TRAP1: variants seen among roughly 807,000 people sequenced by gnomAD.
The protein encoded by TRAP1 is TNF receptor associated protein 1.
Under a neutral mutation model 89.1 loss-of-function variants are expected in TRAP1, and 102 were observed. The observed-to-expected ratio is 1.15, with a 90% CI of 0.98 to 1.35. The LOEUF is 1.35. Among genes scored for constraint, TRAP1 ranks in the 40% most tolerant of loss-of-function variants. The pLI is 0.00. For missense variants in TRAP1, 1,256 were observed against 945.3 expected (o/e 1.33, Z -4.31); for synonymous variants, 508 against 388.0 (o/e 1.31, Z -3.64).
chr16:3,666,867 A>G (rs775524384), intron 11 of TRAP1, among the ~76,000 whole-genome samples: 3 of 152,236 alleles, frequency 2.0e-5, no homozygotes, highest in Non-Finnish European at 4.4e-5. Context: ...ATTAGGAACA[A>G]CTTTATCACT....
At chr16:3,675,578 A>G (rs970244781) in intron 7 of TRAP1, among the ~76,000 whole-genome samples, 181 bp from the exon 8 acceptor site, 3 of 152,138 alleles carry the variant, frequency 2.0e-5, no homozygotes, top group Non-Finnish European at 4.4e-5. Flanking sequence ...TCACGGGGGC[A>G]GCAGCGGAGC....
intron 7 of TRAP1, 72 bp from the exon 8 acceptor site, chr16:3,675,469 A>G: frequency 1.4e-6 from 2 of 1,470,920 alleles, no homozygotes; most frequent in Admixed American, 1.7e-5. Context: ...CAGCAGCTCC[A>G]GGATGAGCGC....
In TRAP1 at chr16:3,679,601, C is replaced by T. The variant is rs570304119; in HGVS notation, c.543+118G>A. The T allele has an allele frequency of 5.0e-6, 5 of 1,000,590 alleles. No homozygotes were observed. In the Admixed American group the frequency reaches 5.3e-5, roughly 11 times the overall value. 62.0% of individuals were successfully genotyped at this position (1,000,590 alleles called of 1,614,324 possible). On this transcript the variant is annotated intron_variant, in intron 5 of 17. Coordinates refer to ENST00000246957, the MANE Select transcript of TRAP1 (RefSeq NM_016292.3). ...TCATGAGGTGTTCCCACAGTACCCA[C>T]TGCGTGGCATGCAACTGACAACGTT...
At chr16:3,695,389 T>C (rs1217323646) in intron 1 of TRAP1, among the ~76,000 whole-genome samples, 1 of 151,880 alleles carries the variant, frequency 6.6e-6, no homozygotes, top group Non-Finnish European at 1.5e-5. Flanking sequence ...AACCATTACT[T>C]AGCCAGACGT....
intron 12 of TRAP1, chr16:3,665,517 G>C (rs536840671): frequency 1.1e-4 from 17 of 159,354 alleles, no homozygotes; most frequent in African/African-American, 1.9e-4. Context: ...TTAACTGAAC[G>C]ACTGGCCCCT....
intron 1 of TRAP1, among the ~76,000 whole-genome samples, chr16:3,699,705 T>C (rs946976227): frequency 7.9e-5 from 12 of 151,886 alleles, no homozygotes; most frequent in African/African-American, 2.9e-4. Flanking sequence ...GATTGCTCTG[T>C]CACCCAGGCT....
intron 11 of TRAP1, among the ~76,000 whole-genome samples, chr16:3,671,167 C>G (rs1276927283): frequency 3.9e-5 from 6 of 152,186 alleles, no homozygotes; most frequent in Non-Finnish European, 8.8e-5. Flanking sequence ...CAGGCTCCCT[C>G]TGAAACCTGC....
rs147541893 is a variant in TRAP1 at position 3,686,083 on chromosome 16, A to G, written c.384T>C (p.Arg128=). The change falls in exon 4 of 18, where the codon CGT becomes CGC. Residue 128 remains arginine (R), a synonymous_variant. Transcript: ENST00000246957. ...SNASDALEKL[R]HKLVSDGQAL... ...CTTGGCCGTCAGACACCAGTTTGTG[A>G]CGCAGTTTTTCCAAGGCATCGCTGG... 8.7e-6 allele frequency: 14 copies of G among 1,614,092 alleles called. No individual in the cohort carries two copies. Among genetic ancestry groups the G allele is most frequent in the Non-Finnish European group, 1.2e-5 (14 of 1,180,002 alleles).
chr16:3,695,968 A>G (rs1017620887), intron 1 of TRAP1, among the ~76,000 whole-genome samples: 1 of 152,202 alleles, frequency 6.6e-6, no homozygotes, highest in Admixed American at 6.5e-5. Flanking sequence ...TGCCATGTGT[A>G]CAGACTGGAT....
rs1008543911 is a variant in TRAP1 at position 3,706,609 on chromosome 16, G to T, written c.88+10812C>A. Among the ~76,000 whole-genome samples the T allele has an allele frequency of 4.6e-5, 7 of 151,680 alleles. No individual in the cohort carries two copies. In the South Asian group the frequency reaches 1.5e-3, roughly 32 times the overall value. On this transcript the variant is annotated intron_variant, in intron 1 of 17. Transcript: ENST00000246957. ...CAAATGGCTGGGACCACAGGCATGT[G>T]CCACCACACCCAGCAATTTTTAAAA...
At chr16:3,688,447 C>G (rs1285884627) in intron 3 of TRAP1, among the ~76,000 whole-genome samples, 1 of 152,154 alleles carries the variant, frequency 6.6e-6, no homozygotes, top group East Asian at 1.9e-4. Flanking sequence ...CAAAGCTCCA[C>G]AGAGACGGAA....
intron 1 of TRAP1, among the ~76,000 whole-genome samples, chr16:3,706,901 T>C (rs895965666): frequency 2.0e-5 from 3 of 152,124 alleles, no homozygotes; most frequent in Admixed American, 6.6e-5. Flanking sequence ...GGTAGAACTG[T>C]GGGGTCATAT....
chr16:3,679,546 AC>A (rs1360362859), intron 5 of TRAP1, among the ~76,000 whole-genome samples, 172 bp downstream of exon 5: 12 of 151,790 alleles, frequency 7.9e-5, no homozygotes, highest in Admixed American at 7.2e-4. Flanking sequence ...TGAGGGACCA[AC>A]CCCCAGATAC....
intron 10 of TRAP1, among the ~76,000 whole-genome samples, chr16:3,672,080 G>A (rs1161746651): frequency 1.3e-5 from 2 of 152,256 alleles, no homozygotes; most frequent in African/African-American, 4.8e-5. Flanking sequence ...TCTGACGCCT[G>A]TAATCCCAGC....
At chr16:3,705,716 C>T (rs1385965665) in intron 1 of TRAP1, among the ~76,000 whole-genome samples, 2 of 152,068 alleles carry the variant, frequency 1.3e-5, no homozygotes, top group Non-Finnish European at 2.9e-5. Context: ...GTTTCACTCT[C>T]GTTGCCAGGC....
intron 1 of TRAP1, among the ~76,000 whole-genome samples, chr16:3,714,416 T>G (rs1022283260): frequency 2.0e-5 from 3 of 152,126 alleles, no homozygotes; most frequent in African/African-American, 7.2e-5. Context: ...ATCCCAGCAT[T>G]TTGGGAGGCC....
chr16:3,695,122 G>T (rs563615370), intron 1 of TRAP1, among the ~76,000 whole-genome samples: 2 of 152,294 alleles, frequency 1.3e-5, no homozygotes, highest in Non-Finnish European at 2.9e-5. Flanking sequence ...GCCCACCCAA[G>T]TGAACTCATC....
intron 1 of TRAP1, among the ~76,000 whole-genome samples, chr16:3,712,198 A>T (rs1468932231): frequency 1.4e-5 from 2 of 141,498 alleles, no homozygotes; most frequent in African/African-American, 5.2e-5. Context: ...CTGAGGCAGG[A>T]GAACTGCCTG....
chr16:3,698,860 T>C (rs886765080), intron 1 of TRAP1, among the ~76,000 whole-genome samples: 6 of 151,030 alleles, frequency 4.0e-5, no homozygotes, highest in African/African-American at 1.5e-4. Context: ...CATTTCAGGG[T>C]GGGAGATGCA....
Sources: gnomAD v4.1 joint callset for allele counts (sites outside exome capture counted in the v4.1 genomes callset) on GRCh38, gnomAD v4.1.1 for gene constraint, MANE v1.5 for transcripts, NCBI Gene and HGNC (gene_info 2026-07-23, HGNC 2026-07-21) for gene names.